GRIK2: variants seen among roughly 807,000 people sequenced by gnomAD.
The protein encoded by GRIK2 is glutamate ionotropic receptor kainate type subunit 2.
A neutral mutation model predicts 100.3 loss-of-function variants in GRIK2; 32 were observed. That is an observed-to-expected ratio of 0.32 (90% CI 0.24 to 0.43). The LOEUF (loss-of-function observed/expected upper bound fraction) is 0.43, where lower values mean the gene tolerates loss of function less well. Among genes scored for constraint, GRIK2 ranks in the 20% least tolerant of loss-of-function variants. The pLI is 1.00. For missense variants in GRIK2, 843 were observed against 1,114.9 expected, an observed-to-expected ratio of 0.76 and a Z score of 3.47; for synonymous variants, 417 against 389.4, an observed-to-expected ratio of 1.07 and a Z score of -0.83.
intron 14 of GRIK2, chr6:101,993,420 A>G (rs1794478084): frequency 6.6e-6 from 1 of 151,426 alleles, no homozygotes; most frequent in Non-Finnish European, 1.5e-5. Context: ...TTTAAGATGT[A>G]CTTACTATTA....
rs941403228 is a variant in GRIK2, at chr6:101,924,121, T to C, written c.1749-480T>C. On this transcript the variant is annotated intron_variant, in intron 12 of 16. Transcript: ENST00000369134. ...AGAATCATTTTGTTAGATACATAAT[T>C]CTGCATTGATTATTTTAATCTCTGT... Among the ~76,000 whole-genome samples, 13 of 152,208 alleles carry C rather than the reference T, an allele frequency of 8.5e-5. No individual in the cohort carries two copies. In the Middle Eastern group the frequency reaches 0.014, roughly 159 times the overall value.
At chr6:101,440,256 A>G (rs186714647) in intron 2 of GRIK2, among the ~76,000 whole-genome samples, 34 of 152,348 alleles carry the variant, frequency 2.2e-4, no homozygotes, top group African/African-American at 7.7e-4. Context: ...AGAATTAGGT[A>G]TAAGACACAG....
intron 12 of GRIK2, among the ~76,000 whole-genome samples, chr6:101,909,379 T>TTTGTTG (rs1262456592): frequency 2.4e-5 from 2 of 81,984 alleles, no homozygotes; most frequent in East Asian, 7.0e-4. Flanking sequence ...GGGTTTTCTT[T>TTTGTTG]TTCTTTTTTT....
intron 2 of GRIK2, among the ~76,000 whole-genome samples, chr6:101,535,957 C>T (rs768148275): frequency 2.6e-4 from 39 of 151,680 alleles, no homozygotes; most frequent in Admixed American, 9.2e-4. Context: ...CAGGTTCTAA[C>T]GTTTTTTAAA....
At chr6:101,753,248 A>C (rs1027271447) in intron 7 of GRIK2, among the ~76,000 whole-genome samples, 1 of 146,700 alleles carries the variant, frequency 6.8e-6, no homozygotes, top group Non-Finnish European at 1.5e-5. Flanking sequence ...TTGCCACTGC[A>C]CTCCAGCCTG....
chr6:101,615,065 T>C (rs1779831846), intron 2 of GRIK2, among the ~76,000 whole-genome samples: 3 of 151,784 alleles, frequency 2.0e-5, no homozygotes. Context: ...CAGGGATCAC[T>C]TGACATTTGG....
At chr6:101,399,695 C>T (rs1197025591) in intron 2 of GRIK2, among the ~76,000 whole-genome samples, 1 of 152,228 alleles carries the variant, frequency 6.6e-6, no homozygotes, top group African/African-American at 2.4e-5. Flanking sequence ...GCCACTCCCG[C>T]CTGTCTCCCC....
At chr6:101,559,973 A>G (rs796668870) in intron 2 of GRIK2, among the ~76,000 whole-genome samples, 36 of 152,282 alleles carry the variant, frequency 2.4e-4, no homozygotes, top group African/African-American at 8.2e-4. Flanking sequence ...GGTAATGGGC[A>G]AAGGGTATAT....
intron 7 of GRIK2, among the ~76,000 whole-genome samples, chr6:101,712,737 T>C (rs938714064): frequency 3.3e-5 from 5 of 151,804 alleles, no homozygotes; most frequent in African/African-American, 9.7e-5. Context: ...TCCAGTATCA[T>C]TATCTGACTA....
rs10528480 is a variant in GRIK2 at position 101,556,321 on chromosome 6, A to ATTTTTTTTTTTTTTTTTTTTTTTTTT, written c.116-65622_116-65597dup. On this transcript the variant is annotated intron_variant, in intron 2 of 16. Coordinates refer to ENST00000369134, the MANE Select transcript of GRIK2 (RefSeq NM_021956.5). Reference sequence around the variant, plus strand: ...AATTGCACTATGTAATATATTGGTAATTTTTTTTTTTTTTTTTTTTTTTTT... The same window carrying ATTTTTTTTTTTTTTTTTTTTTTTTTT: ...AATTGCACTATGTAATATATTGGTAATTTTTTTTTTTTTTTTTTTTTTTTTTTTTTTTTTTTTTTTTTTTTTTTTTT... Among the ~76,000 whole-genome samples, 112 of 59,404 alleles carry ATTTTTTTTTTTTTTTTTTTTTTTTTT rather than the reference A, an allele frequency of 1.9e-3. 36 individuals carry two copies. The highest frequency in any genetic ancestry group is 2.8e-3 in the Non-Finnish European group (77 of 27,414). 39.0% of individuals were successfully genotyped at this position (59,404 alleles called of 152,430 possible).
At chr6:101,552,119 T>C (rs935207033) in intron 2 of GRIK2, among the ~76,000 whole-genome samples, 3 of 152,238 alleles carry the variant, frequency 2.0e-5, no homozygotes, top group Admixed American at 6.5e-5. Flanking sequence ...GAAGAATATC[T>C]ACTTGTACTT....
intron 14 of GRIK2, among the ~76,000 whole-genome samples, chr6:102,016,457 A>G (rs1332002321): frequency 6.6e-6 from 1 of 151,960 alleles, no homozygotes; most frequent in Non-Finnish European, 1.5e-5. Flanking sequence ...AAAAAGAATG[A>G]ACCATGTCAC....
chr6:101,852,837 C>G (rs1265157310), intron 10 of GRIK2, among the ~76,000 whole-genome samples: 2 of 152,096 alleles, frequency 1.3e-5, no homozygotes, highest in Non-Finnish European at 2.9e-5. Flanking sequence ...AATGTGTTAT[C>G]TACTTGAAAG....
At chr6:101,692,355 A>G (rs1236035513) in intron 7 of GRIK2, among the ~76,000 whole-genome samples, 1 of 152,142 alleles carries the variant, frequency 6.6e-6, no homozygotes, top group African/African-American at 2.4e-5. Flanking sequence ...TAGCAACATA[A>G]TGAATTGATG....
chr6:101,463,835 T>TA (rs35385445), intron 2 of GRIK2, among the ~76,000 whole-genome samples: 33,092 of 147,000 alleles, frequency 0.23, 4,115 homozygotes, highest in East Asian at 0.31. Flanking sequence ...TATTGGTAAT[T>TA]AAAAAAAAAA....
intron 12 of GRIK2, among the ~76,000 whole-genome samples, chr6:101,906,704 A>T (rs1043859924): frequency 1.3e-5 from 2 of 151,666 alleles, no homozygotes; most frequent in Non-Finnish European, 1.5e-5. Flanking sequence ...TCCTAATGGT[A>T]TATTTGTCTA....
intron 9 of GRIK2, among the ~76,000 whole-genome samples, chr6:101,804,383 T>C (rs557570284): frequency 7.0e-4 from 106 of 152,118 alleles, no homozygotes; most frequent in Non-Finnish European, 1.3e-3. Flanking sequence ...AAAGAAAGAA[T>C]AGCCCTGAAG....
At chr6:102,021,659 TCA>T (rs1769429783) in intron 14 of GRIK2, among the ~76,000 whole-genome samples, 1 of 151,672 alleles carries the variant, frequency 6.6e-6, no homozygotes, top group African/African-American at 2.4e-5. Context: ...TATATTATAT[TCA>T]GTTTTCAGTT....
intron 7 of GRIK2, among the ~76,000 whole-genome samples, chr6:101,738,183 G>A (rs1427297055): frequency 1.3e-5 from 2 of 150,136 alleles, no homozygotes; most frequent in Non-Finnish European, 3.0e-5. Flanking sequence ...ATTGTCAAAT[G>A]TCAATTGTAA....
Sources: allele counts gnomAD v4.1 joint callset (sites outside exome capture counted in the v4.1 genomes callset), GRCh38; gene constraint gnomAD v4.1.1; transcripts MANE v1.5; gene names NCBI Gene and HGNC (gene_info 2026-07-23, HGNC 2026-07-21).